Variants in SCFD2 observed in about 807,000 individuals in gnomAD.
SCFD2 encodes sec1 family domain containing 2.
SCFD2 carries 54 observed loss-of-function variants against 58.9 expected under a neutral mutation model. That is an observed-to-expected ratio of 0.92 (90% CI 0.74 to 1.15). The LOEUF is 1.15. Ranked by LOEUF, SCFD2 falls within the 50% of genes most tolerant of loss-of-function variation. The pLI, the probability that SCFD2 is intolerant of heterozygous loss-of-function variation, is 0.00. For missense variants in SCFD2, 805 were observed against 836.6 expected (o/e 0.96, Z 0.47); for synonymous variants, 321 against 335.9 (o/e 0.96, Z 0.49).
chr4:53,199,288 T>C (rs1336129564), intron 4 of SCFD2, among the ~76,000 whole-genome samples: 5 of 152,140 alleles, frequency 3.3e-5, no homozygotes, highest in Admixed American at 3.3e-4. Flanking sequence ...CCTGACATAC[T>C]ACATAAAATG....
At chr4:53,179,609 C>T (rs1332537013) in intron 4 of SCFD2, among the ~76,000 whole-genome samples, 3 of 152,110 alleles carry the variant, frequency 2.0e-5, no homozygotes, top group Admixed American at 1.3e-4. Flanking sequence ...GCAAAATAAC[C>T]AGCTAACATC....
chr4:53,131,349 T>A (rs1725781960), intron 5 of SCFD2, among the ~76,000 whole-genome samples: 1 of 152,200 alleles, frequency 6.6e-6, no homozygotes, highest in Non-Finnish European at 1.5e-5. Context: ...AATGGGTATC[T>A]GAGATAAAGA....
chr4:52,962,083 G>A lies in SCFD2; in HGVS notation c.1562-41213C>T, dbSNP rs1720866369. ...TGATGGAAATTACTGGTGGAGTGGG[G>A]ATGATTCTCACCTAAGACTTTTGAA... On this transcript the variant is annotated intron_variant, in intron 5 of 8. Coordinates refer to ENST00000401642, the MANE Select transcript of SCFD2 (RefSeq NM_152540.4). Among the ~76,000 whole-genome samples the A allele has an allele frequency of 2.6e-5, 4 of 152,208 alleles. No homozygotes were observed. The South Asian group carries it at 8.3e-4, about 31-fold the overall frequency.
At chr4:52,879,483 C>A (rs1461288928) in intron 8 of SCFD2, among the ~76,000 whole-genome samples, 1 of 152,186 alleles carries the variant, frequency 6.6e-6, no homozygotes, top group Non-Finnish European at 1.5e-5. Context: ...AGCTCATTCA[C>A]CAACAGCAAG....
At chr4:52,916,622 G>T (rs1294520116) in intron 6 of SCFD2, among the ~76,000 whole-genome samples, 2 of 152,298 alleles carry the variant, frequency 1.3e-5, no homozygotes, top group East Asian at 1.9e-4. Flanking sequence ...CACAGGCACA[G>T]TTGGGGGCTT....
At chr4:53,070,349 G>A (rs1723780168) in intron 5 of SCFD2, among the ~76,000 whole-genome samples, 2 of 151,860 alleles carry the variant, frequency 1.3e-5, no homozygotes, top group Non-Finnish European at 2.9e-5. Context: ...CATTAAAGCA[G>A]AAATTCAATT....
chr4:53,360,863 T>C (rs1404149864), intron 1 of SCFD2, among the ~76,000 whole-genome samples: 1 of 152,230 alleles, frequency 6.6e-6, no homozygotes. Context: ...TAGCATCCCA[T>C]TGAGACTAAT....
chr4:52,945,946 CTAAAT>C (rs1720413252), intron 5 of SCFD2, among the ~76,000 whole-genome samples: 1 of 151,890 alleles, frequency 6.6e-6, no homozygotes, highest in Admixed American at 6.6e-5. Flanking sequence ...TTTCTTTTCC[CTAAAT>C]TAACTGATTT....
At chr4:53,209,325 C>T (rs1728532377) in intron 4 of SCFD2, among the ~76,000 whole-genome samples, 1 of 152,116 alleles carries the variant, frequency 6.6e-6, no homozygotes, top group African/African-American at 2.4e-5. Context: ...AAAGCTTCTC[C>T]TTTGAGTAAC....
intron 5 of SCFD2, among the ~76,000 whole-genome samples, chr4:53,065,629 T>C (rs1723642660): frequency 6.6e-6 from 1 of 152,116 alleles, no homozygotes; most frequent in African/African-American, 2.4e-5. Flanking sequence ...GTCAACATTA[T>C]TCAAGAGCAT....
chr4:53,212,084 C>CA (rs1265373234), intron 4 of SCFD2, among the ~76,000 whole-genome samples: 2 of 152,050 alleles, frequency 1.3e-5, no homozygotes, highest in Non-Finnish European at 2.9e-5. Context: ...GTACACCCCC[C>CA]AACCAAAATT....
chr4:52,880,547 G>A lies in SCFD2; in HGVS notation c.1962+5200C>T, dbSNP rs28410450. On this transcript the variant is annotated intron_variant, in intron 8 of 8. Coordinates refer to ENST00000401642, the MANE Select transcript of SCFD2 (RefSeq NM_152540.4). ...AAGGAGAATCACTTGAACGTGGGAG[G>A]TGGAGGTTGCTATGAGCTGAGATCA... 5.9e-3 allele frequency among the ~76,000 whole-genome samples: 898 copies of A among 151,388 alleles called. 11 individuals are homozygous for A. The highest frequency in any genetic ancestry group is 0.02 in the African/African-American group (804 of 41,204).
At position 53,182,348 on chromosome 4, in the gene SCFD2, A is replaced by G. The variant is rs1055373747; in HGVS notation, c.1312-36766T>C. ...GAACAGAGCCCTCAGAAATAATGCC[A>G]CATATCTACAACTATCTGATCTTTG... On this transcript the variant is annotated intron_variant, in intron 4 of 8. Coordinates refer to ENST00000401642, the MANE Select transcript of SCFD2 (RefSeq NM_152540.4). Among the ~76,000 whole-genome samples, 16 of 152,200 alleles carry G rather than the reference A, an allele frequency of 1.1e-4. No individual in the cohort carries two copies. In the East Asian group the frequency reaches 1.4e-3, roughly 13 times the overall value.
intron 3 of SCFD2, among the ~76,000 whole-genome samples, chr4:53,290,560 C>A (rs1731807925): frequency 6.6e-6 from 1 of 151,664 alleles, no homozygotes; most frequent in Admixed American, 6.6e-5. Flanking sequence ...CCTCAAGTAA[C>A]CAGTTAAAGA....
At chr4:53,109,829 G>C (rs957577590) in intron 5 of SCFD2, among the ~76,000 whole-genome samples, 2 of 151,924 alleles carry the variant, frequency 1.3e-5, no homozygotes, top group African/African-American at 4.8e-5. Flanking sequence ...TATAAATCAA[G>C]CTATCACTGA....
At chr4:53,362,230 G>A (rs1161315109) in intron 1 of SCFD2, among the ~76,000 whole-genome samples, 1 of 152,098 alleles carries the variant, frequency 6.6e-6, no homozygotes, top group East Asian at 1.9e-4. Context: ...CCCAAGCAGA[G>A]CTGCAGAGGA....
intron 5 of SCFD2, among the ~76,000 whole-genome samples, chr4:53,044,205 C>T (rs1045506092): frequency 1.3e-5 from 2 of 152,052 alleles, no homozygotes; most frequent in African/African-American, 2.4e-5. Context: ...CCCCAATTCC[C>T]CCTGGGGTTG....
rs373670008 is a variant in SCFD2 at position 53,254,731 on chromosome 4, G to A, written c.1311+19095C>T. On this transcript the variant is annotated intron_variant, in intron 4 of 8. Transcript: ENST00000401642. ...GGCACTATCTACTACTGTAGCCACT[G>A]GCCATGGGGCTACTGAGCACTGAAA... Among the ~76,000 whole-genome samples the A allele has an allele frequency of 7.9e-5, 12 of 151,862 alleles. No individual in the cohort carries two copies. The South Asian group carries it at 2.1e-3, about 26-fold the overall frequency.
At chr4:53,211,565 G>A (rs768778084) in intron 4 of SCFD2, among the ~76,000 whole-genome samples, 5 of 152,032 alleles carry the variant, frequency 3.3e-5, no homozygotes, top group Admixed American at 1.3e-4. Flanking sequence ...TTGGGATGGG[G>A]GTCAGTCTTG....
Sources: allele counts gnomAD v4.1 joint callset (sites outside exome capture counted in the v4.1 genomes callset), GRCh38; gene constraint gnomAD v4.1.1; transcripts MANE v1.5; gene names NCBI Gene and HGNC (gene_info 2026-07-23, HGNC 2026-07-21).